Variants in PCDH11X observed in about 807,000 individuals in gnomAD.
PCDH11X encodes the protein protocadherin-11 X-linked.
PCDH11X carries 18 observed loss-of-function variants against 53.3 expected under a neutral mutation model. The ratio of observed to expected loss-of-function variants is 0.34; its 90% CI spans 0.23 to 0.50. The LOEUF (loss-of-function observed/expected upper bound fraction) is 0.50, where lower values mean the gene tolerates loss of function less well. PCDH11X is among the 20% of genes least tolerant of loss of function. PCDH11X has a pLI of 0.98. For missense variants in PCDH11X, 570 were observed against 1,032.4 expected (o/e 0.55, Z 6.14); for synonymous variants, 279 against 393.3 (o/e 0.71, Z 3.44).
At chrX:91,860,642 T>C (rs901328660) in intron 5 of PCDH11X, among the ~76,000 whole-genome samples, 1 of 111,990 alleles carries the variant, frequency 8.9e-6, no homozygotes, top group Non-Finnish European at 1.9e-5. Flanking sequence ...GTTTCTTCGA[T>C]AGCTAGTTCA....
intron 4 of PCDH11X, among the ~76,000 whole-genome samples, chrX:91,818,960 A>T (rs1954251283): frequency 8.9e-6 from 1 of 112,153 alleles, no homozygotes; most frequent in African/African-American, 3.2e-5. Flanking sequence ...TTTCTCAATT[A>T]CAAGTTGGCT....
At chrX:92,602,233 T>C (rs1165000356) in intron 10 of PCDH11X, among the ~76,000 whole-genome samples, 1 of 110,826 alleles carries the variant, frequency 9.0e-6, no homozygotes, top group Admixed American at 9.6e-5. Flanking sequence ...GCTAAGGGAG[T>C]TGTCAAAAAC....
chrX:91,822,502 T>C (rs1393003043), intron 4 of PCDH11X, among the ~76,000 whole-genome samples: 1 of 111,362 alleles, frequency 9.0e-6, no homozygotes, highest in South Asian at 3.8e-4. Flanking sequence ...TTTGTATTCC[T>C]GTGGATCGGT....
chrX:92,524,808 A>G (rs765123825), intron 10 of PCDH11X, among the ~76,000 whole-genome samples: 24 of 111,633 alleles, frequency 2.1e-4, no homozygotes, highest in African/African-American at 7.5e-4. Flanking sequence ...TTCAGAGAGT[A>G]TCATCTGTAC....
At chrX:92,186,798 A>G (rs1375849250) in intron 6 of PCDH11X, among the ~76,000 whole-genome samples, 1 of 110,933 alleles carries the variant, frequency 9.0e-6, no homozygotes, top group Non-Finnish European at 1.9e-5. Flanking sequence ...TTTATTGTAT[A>G]TCTTTAAAGA....
chrX:91,810,124 G>A (rs1313156496), intron 2 of PCDH11X, among the ~76,000 whole-genome samples: 1 of 111,108 alleles, frequency 9.0e-6, no homozygotes, highest in Non-Finnish European at 1.9e-5. Context: ...ATTAGAATAA[G>A]AATACAACAG....
At chrX:92,146,677 G>A (rs1225136398) in intron 6 of PCDH11X, among the ~76,000 whole-genome samples, 2 of 111,401 alleles carry the variant, frequency 1.8e-5, no homozygotes, top group East Asian at 5.6e-4. Flanking sequence ...TGGATAATTT[G>A]GAAGTTAAAC....
intron 7 of PCDH11X, among the ~76,000 whole-genome samples, chrX:92,226,106 G>A (rs1267594540): frequency 9.0e-6 from 1 of 111,731 alleles, no homozygotes; most frequent in Non-Finnish European, 1.9e-5. Flanking sequence ...AGAAAGGGGA[G>A]GGGATGATCC....
At chrX:92,538,769 G>C (rs184693748) in intron 10 of PCDH11X, among the ~76,000 whole-genome samples, 1,151 of 101,934 alleles carry the variant, frequency 0.011, 21 homozygotes, top group African/African-American at 0.039. Flanking sequence ...ATTTTTGATT[G>C]GTTCATCATT....
At chrX:92,487,057 T>A in intron 10 of PCDH11X, among the ~76,000 whole-genome samples, 1 of 81,771 alleles carries the variant, frequency 1.2e-5, no homozygotes, top group Middle Eastern at 5.9e-3. Flanking sequence ...CCTTTTTTTT[T>A]TTTTTTTTTT....
intron 9 of PCDH11X, among the ~76,000 whole-genome samples, chrX:92,415,146 T>C (rs1053277338): frequency 1.4e-4 from 16 of 111,363 alleles, no homozygotes; most frequent in African/African-American, 5.2e-4. Flanking sequence ...CAGATGGTAT[T>C]GAGTGAAAAG....
At chrX:92,461,862 G>A (rs562312711) in intron 9 of PCDH11X, among the ~76,000 whole-genome samples, 1 of 111,315 alleles carries the variant, frequency 9.0e-6, no homozygotes, top group Non-Finnish European at 1.9e-5. Context: ...CAACTCAATA[G>A]GAAAAAAGGT....
At chrX:92,549,415 GTC>G (rs945841588) in intron 10 of PCDH11X, among the ~76,000 whole-genome samples, 1 of 105,994 alleles carries the variant, frequency 9.4e-6, no homozygotes, top group Non-Finnish European at 1.9e-5. Flanking sequence ...GAAATTAAGT[GTC>G]TCTGTTCAGT....
intron 6 of PCDH11X, among the ~76,000 whole-genome samples, chrX:91,972,881 G>A (rs981295824): frequency 2.7e-5 from 3 of 110,958 alleles, no homozygotes; most frequent in East Asian, 2.9e-4. Flanking sequence ...TCAGTGTGGC[G>A]ATTCCTCATG....
chrX:92,584,789 C>CTTTTTT (rs1171667582), intron 10 of PCDH11X, among the ~76,000 whole-genome samples: 8 of 65,105 alleles, frequency 1.2e-4, no homozygotes, highest in African/African-American at 2.8e-4. Context: ...TCTTTTTTTC[C>CTTTTTT]TTTTTTTTTT....
chrX:92,270,574 T>A lies in PCDH11X; in HGVS notation c.3144+7431T>A, dbSNP rs143155744. Among the ~76,000 whole-genome samples, 144 of 111,101 alleles carry A rather than the reference T, an allele frequency of 1.3e-3. 1 individual carries two copies. The highest frequency in any genetic ancestry group is 4.5e-3 in the African/African-American group (137 of 30,535). On this transcript the variant is annotated intron_variant, in intron 8 of 10. Coordinates refer to ENST00000682573, the MANE Select transcript of PCDH11X (RefSeq NM_032968.5). ...GTGAAGGACATGCCTAGGAGGGAGG[T>A]CTGTGCTTTTCTCCAAAGATGATTT...
intron 6 of PCDH11X, among the ~76,000 whole-genome samples, chrX:92,119,094 T>C (rs1454566628): frequency 2.7e-5 from 3 of 109,650 alleles, no homozygotes; most frequent in Non-Finnish European, 5.7e-5. Context: ...TTTTTAATTT[T>C]AATTTTTTAA....
intron 10 of PCDH11X, among the ~76,000 whole-genome samples, chrX:92,504,041 CA>C (rs763047477): frequency 0.01 from 242 of 23,072 alleles, 5 homozygotes; most frequent in Middle Eastern, 0.027. Context: ...CACCCAAGAT[CA>C]AAAAAAAAAA....
At position 91,809,507 on chromosome X, in the gene PCDH11X, A is replaced by G. The variant is rs1255353254; in HGVS notation, c.-337A>G. 3.7e-5 allele frequency among the ~76,000 whole-genome samples: 4 copies of G among 107,043 alleles called. No individual in the cohort carries two copies. Among genetic ancestry groups the G allele is most frequent in the African/African-American group, 1.4e-4 (4 of 29,474 alleles). The allele number at this position is 107,043 out of a possible 115,157, so 93.0% of individuals were successfully genotyped here. A position where few individuals can be genotyped will look rare whatever the true frequency, so the allele number is the denominator to read the frequency against. ...ACAGATCAACTGGATGGATGAATGG[A>G]TGGAAGAGGATGGAATATCTTAACA... On this transcript the variant is annotated 5_prime_UTR_variant, in exon 2 of 11. An upstream start codon of the reference 5' UTR is lost. Coordinates refer to ENST00000682573, the MANE Select transcript of PCDH11X (RefSeq NM_032968.5).
Sources: gnomAD v4.1 joint callset for allele counts (sites outside exome capture counted in the v4.1 genomes callset) on GRCh38, gnomAD v4.1.1 for gene constraint, MANE v1.5 for transcripts, NCBI Gene and HGNC (gene_info 2026-07-23, HGNC 2026-07-21) for gene names.